The following ARHGAP39 variants were observed in gnomAD, a reference collection of about 807,000 sequenced individuals.
The protein encoded by ARHGAP39 is Rho GTPase activating protein 39.
A neutral mutation model predicts 106.9 loss-of-function variants in ARHGAP39; 44 were observed. The ratio of observed to expected loss-of-function variants is 0.41; its 90% CI spans 0.32 to 0.53. ARHGAP39 has a LOEUF of 0.53. ARHGAP39 is among the 20% of genes least tolerant of loss of function. The pLI, the probability that ARHGAP39 is intolerant of heterozygous loss-of-function variation, is 0.21. For synonymous variants in ARHGAP39, 768 were observed against 693.2 expected, an observed-to-expected ratio of 1.11 and a Z score of -1.69; for missense variants, 1,496 against 1,577.3, an observed-to-expected ratio of 0.95 and a Z score of 0.87.
At chr8:144,576,295 T>C (rs1310578954) in intron 3 of ARHGAP39, among the ~76,000 whole-genome samples, 2 of 126,764 alleles carry the variant, frequency 1.6e-5, no homozygotes, top group East Asian at 4.7e-4. Flanking sequence ...ATTGCACCAC[T>C]GCACTCCAGC....
intron 1 of ARHGAP39, among the ~76,000 whole-genome samples, chr8:144,662,631 C>A (rs1315154662): frequency 1.3e-5 from 2 of 151,232 alleles, no homozygotes; most frequent in African/African-American, 2.4e-5. Flanking sequence ...CCGCTCCCCA[C>A]TCCCCATTAT....
Position 144,545,722 on chromosome 8 carries a change from A to G in ARHGAP39, c.2048T>C (p.Phe683Ser). ...CTCCGAGGAGGGCTTGCGCAGCGTGAAAGTGGGGAAGACGCAGCTGGAGCT... is the reference window on the plus strand; with the variant it reads ...CTCCGAGGAGGGCTTGCGCAGCGTGGAAGTGGGGAAGACGCAGCTGGAGCT... ...VPSSSCVFPT[F>S]TLRKPSSETD... The change falls in exon 6 of 12, where the codon TTC becomes TCC. Residue 683 changes from phenylalanine (F) to serine (S), a missense_variant. Coordinates refer to ENST00000377307, the MANE Select transcript of ARHGAP39 (RefSeq NM_025251.3). 1 of 1,612,604 alleles carries G rather than the reference A, an allele frequency of 6.2e-7. No homozygotes were observed. The highest frequency in any genetic ancestry group is 8.5e-7 in the Non-Finnish European group (1 of 1,179,858).
chr8:144,566,080 C>T (rs1339382194), intron 3 of ARHGAP39, among the ~76,000 whole-genome samples: 2 of 150,654 alleles, frequency 1.3e-5, no homozygotes, highest in Non-Finnish European at 2.9e-5. Flanking sequence ...GGCTACAGAG[C>T]GAGACCCTGT....
intron 3 of ARHGAP39, among the ~76,000 whole-genome samples, chr8:144,579,322 T>C (rs565219940): frequency 4.7e-5 from 7 of 147,910 alleles, no homozygotes; most frequent in Non-Finnish European, 1.0e-4. Flanking sequence ...CTAAAAGAAA[T>C]CTAAAAAGGA....
At chr8:144,676,971 T>C (rs1476123951) in intron 1 of ARHGAP39, among the ~76,000 whole-genome samples, 1 of 152,258 alleles carries the variant, frequency 6.6e-6, no homozygotes, top group Non-Finnish European at 1.5e-5. Flanking sequence ...GGTTTCACCA[T>C]GTTGGTCAGG....
chr8:144,644,354 A>C lies in ARHGAP39; in HGVS notation c.-81-38659T>G, dbSNP rs968164493. On this transcript the variant is annotated intron_variant, in intron 1 of 11. Coordinates refer to ENST00000377307, the MANE Select transcript of ARHGAP39 (RefSeq NM_025251.3). The surrounding 1 kb of genome is among the most constrained non-coding windows in gnomAD (Gnocchi z 4.8). ...TGACATATTGTAGGATTCCATGTCC[A>C]TGAAGTGACCAGGAGCGGCAGATCG... Among the ~76,000 whole-genome samples, 1 of 152,206 alleles carries C rather than the reference A, an allele frequency of 6.6e-6. No homozygotes were observed. Among genetic ancestry groups the C allele is most frequent in the Non-Finnish European group, 1.5e-5 (1 of 68,036 alleles).
chr8:144,690,376 G>T (rs1157722050), upstream of ARHGAP39, among the ~76,000 whole-genome samples: 1 of 152,142 alleles, frequency 6.6e-6, no homozygotes, highest in Non-Finnish European at 1.5e-5. Context: ...AAAGTGTTGG[G>T]ATTACAGGCG....
chr8:144,639,385 T>C (rs1438875956), intron 1 of ARHGAP39, among the ~76,000 whole-genome samples: 1 of 151,548 alleles, frequency 6.6e-6, no homozygotes, highest in African/African-American at 2.4e-5. Context: ...TTTGAATTAA[T>C]TTAAATTTCA....
chr8:144,590,251 G>C (rs1819341492), intron 2 of ARHGAP39, among the ~76,000 whole-genome samples: 1 of 152,236 alleles, frequency 6.6e-6, no homozygotes, highest in Non-Finnish European at 1.5e-5. Context: ...ACCTTGTATA[G>C]TGGCACTGAC....
At chr8:144,541,104 G>A (rs923833164) in intron 6 of ARHGAP39, among the ~76,000 whole-genome samples, 6 of 152,308 alleles carry the variant, frequency 3.9e-5, no homozygotes, top group East Asian at 1.9e-4. Flanking sequence ...ACCGGCCTCC[G>A]CCTCCCAAAG....
In ARHGAP39 at chr8:144,533,231, C is replaced by T; in HGVS notation, c.2783G>A (p.Gly928Asp). 6.2e-7 allele frequency: 1 copy of T among 1,613,086 alleles called. No homozygotes were observed. The highest frequency in any genetic ancestry group is 2.2e-5 in the East Asian group (1 of 44,874). Residue 928 changes from glycine to aspartate, a missense_variant, in exon 9 of 12, where the codon GGC becomes GAC. By Grantham distance (94) the Gly-to-Asp change is moderately conservative. Transcript: ENST00000377307. ...MFGSALQEVM[G>D]MQRERYPERQ... ...CTCGGGGTAGCGCTCTCTCTGCATG[C>T]CCATGACCTCCTGCAGTGCGCTGCC...
In ARHGAP39 at chr8:144,530,774, C is replaced by G. The variant is rs544669862; in HGVS notation, c.3078G>C (p.Ala1026=). 1 of 1,611,298 alleles carries G rather than the reference C, an allele frequency of 6.2e-7. No individual in the cohort carries two copies. The highest frequency in any genetic ancestry group is 8.5e-7 in the Non-Finnish European group (1 of 1,179,352). ...QCIAHYDSPE[A]AVAVVHALPR... The stretch of plus-strand genomic sequence containing the variant: ...GCAGCGCGTGCACCACGGCCACCGC[C>G]GCCTCGGGGCTGTCGTAGTGCGCGA... Residue 1026 remains alanine (A), a synonymous_variant, in exon 11 of 12, where the codon GCG becomes GCC. Transcript: ENST00000377307.
intron 2 of ARHGAP39, 36 bp from the exon 3 acceptor site, chr8:144,581,313 G>C: frequency 1.3e-6 from 2 of 1,507,730 alleles, no homozygotes; most frequent in Non-Finnish European, 1.8e-6. Flanking sequence ...CTGGAGCCAC[G>C]GCGGCCTGGG....
In ARHGAP39 at chr8:144,670,963, T is replaced by G. The variant is rs1822086887; in HGVS notation, c.-82+14723A>C. On this transcript the variant is annotated intron_variant, in intron 1 of 11. Transcript: ENST00000377307. The surrounding 1 kb of genome is among the most constrained non-coding windows in gnomAD (Gnocchi z 4.4). ...ATCCAGCTCTGATGACGCTGCCTGG[T>G]GCTGCTCCCTCCTCCCACACCAGAG... 1.3e-5 allele frequency among the ~76,000 whole-genome samples: 2 copies of G among 152,162 alleles called. No homozygotes were observed. Among genetic ancestry groups the G allele is most frequent in the Non-Finnish European group, 2.9e-5 (2 of 68,034 alleles).
At chr8:144,685,451 G>A (rs1822561256) in intron 1 of ARHGAP39, among the ~76,000 whole-genome samples, 1 of 148,746 alleles carries the variant, frequency 6.7e-6, no homozygotes, top group Non-Finnish European at 1.5e-5. Context: ...CGCGGCCTCG[G>A]CCCCTCGAGC....
In ARHGAP39 at chr8:144,605,596, A is replaced by G. The variant is rs1337393726; in HGVS notation, c.19T>C (p.Tyr7His). The change falls in exon 2 of 12, where the codon TAC becomes CAC. Residue 7 changes from tyrosine to histidine, a missense_variant. Tyr to His is a moderately conservative substitution (Grantham distance 83, BLOSUM62 2). Coordinates refer to ENST00000377307, the MANE Select transcript of ARHGAP39 (RefSeq NM_025251.3). The part of the protein sequence containing the change: MSQTQD[Y>H]ECRSHNVDLP... ...TCGACATTATGGCTCCTGCACTCGT[A>G]GTCCTGCGTCTGGGACATCGCTGTT... 6.2e-7 allele frequency: 1 copy of G among 1,613,638 alleles called. No homozygotes were observed. Among genetic ancestry groups the G allele is most frequent in the Non-Finnish European group, 8.5e-7 (1 of 1,180,038 alleles).
chr8:144,553,753 C>T (rs1165393724), intron 4 of ARHGAP39, among the ~76,000 whole-genome samples: 1 of 152,256 alleles, frequency 6.6e-6, no homozygotes, highest in African/African-American at 2.4e-5. Context: ...CTGCCATCAC[C>T]ACACTGGCCA....
At chr8:144,623,527 C>T (rs1164682982) in intron 1 of ARHGAP39, among the ~76,000 whole-genome samples, 8 of 152,206 alleles carry the variant, frequency 5.3e-5, no homozygotes, top group African/African-American at 9.6e-5. Context: ...ACAAGGCTTC[C>T]GCGACTGGCG....
At chr8:144,543,765 C>CTTACA (rs1225196647) in intron 6 of ARHGAP39, 1 of 152,398 alleles carries the variant, frequency 6.6e-6, no homozygotes, top group African/African-American at 2.4e-5. Context: ...ACAGCCTCTA[C>CTTACA]TTACATACAG....
Sources: allele counts gnomAD v4.1 joint callset (sites outside exome capture counted in the v4.1 genomes callset), GRCh38; gene constraint gnomAD v4.1.1; non-coding constraint Gnocchi (gnomAD v3.1); transcripts MANE v1.5; gene names NCBI Gene and HGNC (gene_info 2026-07-23, HGNC 2026-07-21).